GSTM2: variants seen among roughly 807,000 people sequenced by gnomAD.
GSTM2 encodes the protein GST class-mu 2.
In GSTM2, 33 loss-of-function variants were observed where a neutral mutation model predicts 33.3. The ratio of observed to expected loss-of-function variants is 0.99; its 90% CI spans 0.75 to 1.33. The LOEUF is 1.33. Among genes scored for constraint, GSTM2 ranks in the 40% most tolerant of loss-of-function variants. GSTM2 has a pLI of 0.00. For missense variants in GSTM2, 213 were observed against 265.8 expected, an observed-to-expected ratio of 0.80 and a Z score of 1.38; for synonymous variants, 93 against 95.6, an observed-to-expected ratio of 0.97 and a Z score of 0.16.
At chr1:109,673,357 C>A in intron 7 of GSTM2, 1 of 1,380,682 alleles carries the variant, frequency 7.2e-7, no homozygotes. Context: ...GGCAGAGCAG[C>A]CTGTGAAGTG....
At chr1:109,672,211 C>T (rs1237322876) in intron 7 of GSTM2, among the ~76,000 whole-genome samples, 39 of 150,458 alleles carry the variant, frequency 2.6e-4, no homozygotes, top group Non-Finnish European at 4.9e-4. Flanking sequence ...ACCTGGGAGG[C>T]GGAGGTTGCG....
In GSTM2 at chr1:109,674,733, T is replaced by G; in HGVS notation, c.568-14T>G. Reference sequence around the variant, plus strand: ...GCTGACCTTGAGTTCTGGCCTTATTTTCCCCCCTCTCAGGGCTTGGAGAAG... The same window carrying G: ...GCTGACCTTGAGTTCTGGCCTTATTGTCCCCCCTCTCAGGGCTTGGAGAAG... On this transcript the variant is annotated splice_polypyrimidine_tract_variant and intron_variant, in intron 7 of 7. Coordinates refer to ENST00000241337, the MANE Select transcript of GSTM2 (RefSeq NM_000848.4). 6.2e-7 allele frequency: 1 copy of G among 1,614,112 alleles called. No homozygotes were observed. Among genetic ancestry groups the G allele is most frequent in the Non-Finnish European group, 8.5e-7 (1 of 1,180,000 alleles).
chr1:109,671,227 A>T (rs1647533006), intron 5 of GSTM2, 60 bp from the exon 6 acceptor site: 4 of 1,227,494 alleles, frequency 3.3e-6, no homozygotes, highest in Admixed American at 1.7e-5. Flanking sequence ...CAAAACTGGG[A>T]GGCCGCATCT....
intron 5 of GSTM2, chr1:109,670,579 A>G (rs1305926919): frequency 6.6e-6 from 1 of 152,296 alleles, no homozygotes; most frequent in East Asian, 1.9e-4. Flanking sequence ...CTAGACAGTA[A>G]TGGTTACTTC....
chr1:109,670,098 G>GAGGTGA (rs113061276), intron 5 of GSTM2: 1 of 116,080 alleles, frequency 8.6e-6, no homozygotes, highest in Non-Finnish European at 1.8e-5. Flanking sequence ...CGGAGGTGGG[G>GAGGTGA]GGGGAAATCC....
rs973241674 is a variant in GSTM2 at position 109,672,070 on chromosome 1, G to A, written c.567+487G>A. ...CGAGTTGGGTGGATCACCTGAGGTC[G>A]GGAGTTCGAGACCAGCCTGACCAAC... On this transcript the variant is annotated intron_variant, in intron 7 of 7. Coordinates refer to ENST00000241337, the MANE Select transcript of GSTM2 (RefSeq NM_000848.4). 4.6e-5 allele frequency among the ~76,000 whole-genome samples: 7 copies of A among 150,772 alleles called. No homozygotes were observed. The South Asian group carries it at 1.5e-3, about 32-fold the overall frequency.
At chr1:109,682,541 C>G (rs146542331) in intron 7 of GSTM2, among the ~76,000 whole-genome samples, 62,429 of 115,206 alleles carry the variant, frequency 0.54, 22,857 homozygotes, top group East Asian at 0.93. Flanking sequence ...TAACTTTTAA[C>G]AGAATAAACT....
intron 5 of GSTM2, 95 bp downstream of exon 5, chr1:109,669,666 G>A: frequency 7.6e-6 from 6 of 789,940 alleles, no homozygotes; most frequent in Non-Finnish European, 1.3e-5. Flanking sequence ...TCCTTCTGGT[G>A]AGTTCTTGGT....
chr1:109,674,384 G>A (rs1477775888), intron 7 of GSTM2, among the ~76,000 whole-genome samples: 1 of 152,116 alleles, frequency 6.6e-6, no homozygotes. Flanking sequence ...GTATTTAAAT[G>A]TAAGGAAGTT....
chr1:109,669,587 C>T lies in GSTM2; in HGVS notation c.360+16C>T, dbSNP rs776041289. The T allele has an allele frequency of 1.3e-6, 2 of 1,485,008 alleles. No homozygotes were observed. The highest frequency in any genetic ancestry group is 1.7e-4 in the Middle Eastern group (1 of 5,820). The allele number at this position is 1,485,008 out of a possible 1,614,324, so 92.0% of individuals were successfully genotyped here. A position where few individuals can be genotyped will look rare whatever the true frequency, so the allele number is the denominator to read the frequency against. ...CCCAGATTTTGTAAGTCCCCCCACC[C>T]CACTCCCAGTCTCCCCTTCCCTACT... On this transcript the variant is annotated intron_variant, in intron 5 of 7. Transcript: ENST00000241337.
At chr1:109,676,926 T>C (rs71657120), downstream of GSTM2, among the ~76,000 whole-genome samples, 1 of 152,208 alleles carries the variant, frequency 6.6e-6, no homozygotes, top group South Asian at 2.1e-4. Context: ...CTGTGGGTCA[T>C]GTATTCACGC....
intron 7 of GSTM2, 146 bp from the exon 8 acceptor site, chr1:109,674,601 C>A (rs190536213): frequency 7.9e-5 from 74 of 934,822 alleles, no homozygotes. Flanking sequence ...ATCTGGGGAC[C>A]CTAAGAAGCT....
chr1:109,676,620 G>A (rs1045161529), downstream of GSTM2, among the ~76,000 whole-genome samples: 1 of 152,102 alleles, frequency 6.6e-6, no homozygotes, highest in Non-Finnish European at 1.5e-5. Flanking sequence ...CAAAGTTCTG[G>A]AATTACATGC....
chr1:109,669,984 C>CA (rs1294369835), intron 5 of GSTM2: 1 of 161,028 alleles, frequency 6.2e-6, no homozygotes, highest in African/African-American at 2.4e-5. Context: ...AGTTCAAACC[C>CA]AAAGAGTGAG....
downstream of GSTM2, among the ~76,000 whole-genome samples, chr1:109,679,475 C>T (rs149677411): frequency 0.043 from 6,597 of 152,024 alleles, 249 homozygotes; most frequent in African/African-American, 0.091. Context: ...GAGATTCCAT[C>T]TCAAAAAAAG....
intron 7 of GSTM2, among the ~76,000 whole-genome samples, chr1:109,673,032 G>A (rs1647601386): frequency 1.3e-5 from 2 of 151,980 alleles, no homozygotes; most frequent in South Asian, 4.2e-4. Flanking sequence ...ACCACGTCCA[G>A]CTAATTTTTG....
At chr1:109,671,954 G>A (rs1647557871) in intron 7 of GSTM2, among the ~76,000 whole-genome samples, 1 of 117,256 alleles carries the variant, frequency 8.5e-6, no homozygotes. Context: ...CTGTATGACA[G>A]AGTGTGACTC....
Position 109,669,465 on chromosome 1 carries a change from G to A in GSTM2, c.260-6G>A. On this transcript the variant is annotated splice_region_variant and splice_polypyrimidine_tract_variant and intron_variant, in intron 4 of 7. Transcript: ENST00000241337. ...GGCTGAGAGTGAATCTGCTTTACGA[G>A]GGTAGGCGGGGAATCAGAAAAGGAG... The A allele has an allele frequency of 6.2e-7, 1 of 1,613,856 alleles. No individual in the cohort carries two copies. Among genetic ancestry groups the A allele is most frequent in the Non-Finnish European group, 8.5e-7 (1 of 1,179,716 alleles).
chr1:109,672,722 G>C (rs1647592123), intron 7 of GSTM2, among the ~76,000 whole-genome samples: 1 of 152,228 alleles, frequency 6.6e-6, no homozygotes, highest in South Asian at 2.1e-4. Context: ...GCTACACCCA[G>C]AAACTTTGTA....
Sources: allele counts gnomAD v4.1 joint callset (sites outside exome capture counted in the v4.1 genomes callset), GRCh38; gene constraint gnomAD v4.1.1; transcripts MANE v1.5; gene names NCBI Gene and HGNC (gene_info 2026-07-23, HGNC 2026-07-21).